The following ZNF44 variants were observed in gnomAD, a reference collection of about 807,000 sequenced individuals.
The protein encoded by ZNF44 is gonadotropin inducible transcription repressor-2.
ZNF44 carries 9 observed loss-of-function variants against 11.7 expected under a neutral mutation model. The ratio of observed to expected loss-of-function variants is 0.77; its 90% CI spans 0.46 to 1.35. The LOEUF is 1.35. Ranked by LOEUF, ZNF44 falls within the 40% of genes most tolerant of loss-of-function variation. The pLI is 0.00. For missense variants in ZNF44, 696 were observed against 743.1 expected (o/e 0.94, Z 0.74); for synonymous variants, 224 against 242.7 (o/e 0.92, Z 0.72).
At chr19:12,249,999 T>C in exon 7 of ZNF44, 1 of 1,286,992 alleles carries the variant, frequency 7.8e-7, no homozygotes, top group Non-Finnish European at 1.0e-6. Context: ...CCCCTGGTTT[T>C]TGTACTGCTC....
At chr19:12,254,689 C>A (rs897112004) in intron 5 of ZNF44, among the ~76,000 whole-genome samples, 1 of 151,670 alleles carries the variant, frequency 6.6e-6, no homozygotes, top group African/African-American at 2.4e-5. Context: ...GAGCCGCAAT[C>A]GCACCACTGC....
intron 1 of ZNF44, among the ~76,000 whole-genome samples, chr19:12,276,973 A>C (rs1350629389): frequency 6.6e-6 from 1 of 152,128 alleles, no homozygotes; most frequent in Non-Finnish European, 1.5e-5. Context: ...GCCCACTTTG[A>C]CCTTACTTGA....
chr19:12,276,395 C>T (rs1441251620), intron 1 of ZNF44, among the ~76,000 whole-genome samples: 1 of 152,180 alleles, frequency 6.6e-6, no homozygotes, highest in African/African-American at 2.4e-5. Context: ...ATGACAAAGT[C>T]CTACCACCTA....
chr19:12,271,693 TA>T (rs1363790017), downstream of ZNF44: 4 of 152,240 alleles, frequency 2.6e-5, no homozygotes, highest in East Asian at 1.9e-4. Context: ...CAAGAAACTG[TA>T]ACATTATAGG....
chr19:12,287,170 C>A (rs952199213), intron 1 of ZNF44, among the ~76,000 whole-genome samples: 13 of 151,794 alleles, frequency 8.6e-5, no homozygotes, highest in Admixed American at 7.2e-4. Flanking sequence ...TGCATCCATC[C>A]CTGGAGCAAC....
At chr19:12,241,630 G>C (rs184204403), upstream of ZNF44, among the ~76,000 whole-genome samples, 80 of 152,316 alleles carry the variant, frequency 5.3e-4, no homozygotes, top group Middle Eastern at 0.017. Flanking sequence ...GGGAGGTGGA[G>C]GTTTCAGTGA....
intron 1 of ZNF44, chr19:12,284,381 G>T: frequency 1.6e-6 from 1 of 613,442 alleles, no homozygotes; most frequent in Non-Finnish European, 3.0e-6. Flanking sequence ...GAGGCCCTGG[G>T]GACCCTGGGA....
At chr19:12,252,051 C>CAAA (rs61116689) in intron 5 of ZNF44, among the ~76,000 whole-genome samples, 5 of 90,770 alleles carry the variant, frequency 5.5e-5, no homozygotes, top group Admixed American at 2.5e-4. Context: ...AACTCCATCT[C>CAAA]AAAAAAAAAA....
chr19:12,243,219 A>AAATGGTATATATATAAC (rs1916677198), downstream of ZNF44, among the ~76,000 whole-genome samples: 1 of 152,080 alleles, frequency 6.6e-6, no homozygotes, highest in Non-Finnish European at 1.5e-5. Context: ...GTATATATAT[A>AAATGGTATATATATAAC]CATTCTGTAA....
intron 1 of ZNF44, among the ~76,000 whole-genome samples, chr19:12,292,855 GTTTTTTTTTTTT>G (rs71166664): frequency 1.3e-5 from 1 of 76,936 alleles, no homozygotes; most frequent in East Asian, 4.0e-4. Context: ...CAGAGGTTAG[GTTTTTTTTTTTT>G]TTTTTTTTTT....
downstream of ZNF44, among the ~76,000 whole-genome samples, chr19:12,246,168 A>G (rs1418440408): frequency 6.6e-6 from 1 of 152,196 alleles, no homozygotes; most frequent in Admixed American, 6.5e-5. Flanking sequence ...ATGGAATCCA[A>G]AAGGGAATAG....
intron 5 of ZNF44, among the ~76,000 whole-genome samples, chr19:12,254,520 G>A (rs1917160561): frequency 1.3e-5 from 2 of 152,182 alleles, no homozygotes; most frequent in African/African-American, 4.8e-5. Context: ...ACTGCCTGAG[G>A]TCAGGAGTTC....
intron 5 of ZNF44, among the ~76,000 whole-genome samples, chr19:12,265,950 C>A (rs1177505936): frequency 6.6e-6 from 1 of 152,216 alleles, no homozygotes; most frequent in Non-Finnish European, 1.5e-5. Flanking sequence ...TAAAGTTGCA[C>A]CCAAGGCGGG....
chr19:12,229,617 ATTT>A (rs112086092), intron 3 of ZNF44, among the ~76,000 whole-genome samples: 2 of 146,092 alleles, frequency 1.4e-5, no homozygotes, highest in African/African-American at 5.0e-5. Flanking sequence ...GAAGAAAGAT[ATTT>A]TTTTTTTTTT....
chr19:12,243,490 A>G (rs1162609106), downstream of ZNF44, among the ~76,000 whole-genome samples: 1 of 152,204 alleles, frequency 6.6e-6, no homozygotes, highest in East Asian at 1.9e-4. Context: ...TCATGTGACA[A>G]ATGTCAGGAT....
intron 5 of ZNF44, among the ~76,000 whole-genome samples, chr19:12,256,487 T>C (rs1184659027): frequency 2.6e-5 from 4 of 151,956 alleles, no homozygotes; most frequent in African/African-American, 9.7e-5. Flanking sequence ...TGTCTCAAAA[T>C]ACAAAAACAA....
chr19:12,290,354 G>C (rs1967953642), intron 1 of ZNF44, among the ~76,000 whole-genome samples: 1 of 147,842 alleles, frequency 6.8e-6, no homozygotes, highest in South Asian at 2.2e-4. Context: ...CGTTGCAGTT[G>C]CACTCCAGCC....
intron 5 of ZNF44, among the ~76,000 whole-genome samples, chr19:12,254,393 T>C (rs1917156711): frequency 6.6e-6 from 1 of 152,172 alleles, no homozygotes; most frequent in South Asian, 2.1e-4. Flanking sequence ...TTTTTTCCTT[T>C]TGTGTTAAAA....
intron 5 of ZNF44, among the ~76,000 whole-genome samples, chr19:12,257,927 C>A (rs565879703): frequency 6.6e-6 from 1 of 151,516 alleles, no homozygotes; most frequent in Non-Finnish European, 1.5e-5. Flanking sequence ...GCCAAGATTG[C>A]GCCACTGCAC....
Sources: allele counts gnomAD v4.1 joint callset (sites outside exome capture counted in the v4.1 genomes callset), GRCh38; gene constraint gnomAD v4.1.1; transcripts MANE v1.5; gene names NCBI Gene and HGNC (gene_info 2026-07-23, HGNC 2026-07-21).